Variants in TMPRSS9 observed in about 807,000 individuals in gnomAD.
TMPRSS9 encodes the protein transmembrane protease serine 9.
In TMPRSS9, 113 loss-of-function variants were observed where a neutral mutation model predicts 111.4. That is an observed-to-expected ratio of 1.01 (90% CI 0.87 to 1.19). The LOEUF (loss-of-function observed/expected upper bound fraction) is 1.19, where lower values mean the gene tolerates loss of function less well. Among genes scored for constraint, TMPRSS9 ranks in the 50% most tolerant of loss-of-function variants. The pLI is 0.00. For synonymous variants in TMPRSS9, 805 were observed against 659.1 expected (o/e 1.22, Z -3.39); for missense variants, 1,803 against 1,513.1 (o/e 1.19, Z -3.18).
At chr19:2,424,969 T>C in intron 15 of TMPRSS9, 33 bp from the exon 17 acceptor site, 1 of 1,448,918 alleles carries the variant, frequency 6.9e-7, no homozygotes, top group Non-Finnish European at 9.0e-7. Context: ...GCGTGGGGGC[T>C]CGGGCCGACG....
chr19:2,425,684 C>T, intron 17 of TMPRSS9, 191 bp downstream of exon 18: 2 of 1,248,814 alleles, frequency 1.6e-6, no homozygotes, highest in Non-Finnish European at 2.1e-6. Context: ...CCCACCGCAT[C>T]CCATCCCCGG....
At chr19:2,363,321 C>G (rs62120679) in intron 1 of TMPRSS9, among the ~76,000 whole-genome samples, 1 of 151,908 alleles carries the variant, frequency 6.6e-6, no homozygotes, top group African/African-American at 2.4e-5. Context: ...ACTCTGTCCG[C>G]GGGGCGAGAG....
At position 2,424,217 on chromosome 19, in the gene TMPRSS9, G is replaced by C. The variant is rs145944063; in HGVS notation, c.2677G>C (p.Ala893Pro). 3 of 1,437,408 alleles carry C rather than the reference G, an allele frequency of 2.1e-6. No individual in the cohort carries two copies. In the African/African-American group the frequency reaches 4.4e-5, roughly 21 times the overall value. 89.0% of individuals were successfully genotyped at this position (1,437,408 alleles called of 1,614,324 possible). ...ACACCGTTGCGGGGCCGTGCTGGTG[G>C]CAGAGAGGTGGCTGCTGTCGGCGGC... The change falls in exon 15 of 18, where the codon GCA (alanine) becomes CCA (proline). Residue 893 changes from alanine to proline, a missense_variant. By Grantham distance (27) the Ala-to-Pro change is conservative (BLOSUM62 -1). Coordinates refer to ENST00000648592, the Ensembl canonical transcript of TMPRSS9.
chr19:2,386,654 T>A (rs1272751169), upstream of TMPRSS9, among the ~76,000 whole-genome samples: 1 of 152,104 alleles, frequency 6.6e-6, no homozygotes, highest in Non-Finnish European at 1.5e-5. Flanking sequence ...AGCGTGACAA[T>A]GGGAGAGTGA....
At chr19:2,408,902 T>C (rs1403732593) in intron 8 of TMPRSS9, among the ~76,000 whole-genome samples, 1 of 150,720 alleles carries the variant, frequency 6.6e-6, no homozygotes, top group Non-Finnish European at 1.5e-5. Flanking sequence ...GGCAGGAGAA[T>C]TGCTTGAACC....
intron 1 of TMPRSS9, among the ~76,000 whole-genome samples, chr19:2,394,155 A>G (rs1970658859): frequency 6.6e-6 from 1 of 152,102 alleles, no homozygotes; most frequent in African/African-American, 2.4e-5. Context: ...CTGAGCCAAG[A>G]TCGTGCCACT....
chr19:2,411,306 A>G (rs1457991007), intron 9 of TMPRSS9, among the ~76,000 whole-genome samples: 1 of 57,670 alleles, frequency 1.7e-5, no homozygotes. Context: ...TCTCAAAAAA[A>G]AAAAAAAAAA....
At chr19:2,417,812 C>T (rs536782740) in intron 12 of TMPRSS9, among the ~76,000 whole-genome samples, 190 bp from the exon 14 acceptor site, 18 of 152,252 alleles carry the variant, frequency 1.2e-4, no homozygotes, top group Admixed American at 3.3e-4. Context: ...GAGACTCTTG[C>T]GCTCTGAGCG....
At chr19:2,411,342 CA>C (rs1971091927) in intron 9 of TMPRSS9, among the ~76,000 whole-genome samples, 1 of 126,540 alleles carries the variant, frequency 7.9e-6, no homozygotes, top group African/African-American at 2.9e-5. Flanking sequence ...AAGAGAAAAT[CA>C]GGGGTCATCC....
At chr19:2,416,343 T>G (rs1971230086) in intron 11 of TMPRSS9, 195 bp from the exon 13 acceptor site, 2 of 694,920 alleles carry the variant, frequency 2.9e-6, no homozygotes, top group Non-Finnish European at 4.6e-6. Context: ...GTCCCCCAGC[T>G]TGGGATCCTT....
upstream of TMPRSS9, among the ~76,000 whole-genome samples, chr19:2,384,777 C>G (rs147603646): frequency 2.7e-5 from 4 of 146,490 alleles, no homozygotes; most frequent in African/African-American, 1.0e-4. Flanking sequence ...ATCGCACCAC[C>G]GCACTCCAGC....
At chr19:2,404,568 T>A (rs111590544) in intron 6 of TMPRSS9, among the ~76,000 whole-genome samples, 8,688 of 151,044 alleles carry the variant, frequency 0.058, 265 homozygotes, top group East Asian at 0.092. Flanking sequence ...GTCATTTTGC[T>A]TTATACAGTA....
rs1191842920 is a variant in TMPRSS9, at chr19:2,418,361, C to T, written c.2154+223C>T. On this transcript the variant is annotated intron_variant, in intron 13 of 17. Transcript: ENST00000648592. ...CTTCCCTCCCTTTCCCTCCCTCCCT[C>T]CCTTCCCTTCCCTCCCTCCCTTTCC... is the stretch of plus-strand genomic sequence containing the variant. Among the ~76,000 whole-genome samples, 33 of 41,116 alleles carry T rather than the reference C, an allele frequency of 8.0e-4. 1 individual carries two copies. Among genetic ancestry groups the T allele is most frequent in the East Asian group, 4.1e-3 (5 of 1,218 alleles). 27.0% of individuals were successfully genotyped at this position (41,116 alleles called of 152,430 possible). A position where few individuals can be genotyped will look rare whatever the true frequency, so the allele number is the denominator to read the frequency against.
At chr19:2,408,519 C>G in exon 8 of TMPRSS9, 2 of 1,613,868 alleles carry the variant, frequency 1.2e-6, no homozygotes, top group Non-Finnish European at 1.7e-6. Context: ...GACCAGCCCT[C>G]TGCCTTTCGG....
At chr19:2,419,736 C>T (rs531722502) in intron 13 of TMPRSS9, among the ~76,000 whole-genome samples, 6 of 152,182 alleles carry the variant, frequency 3.9e-5, no homozygotes, top group East Asian at 1.9e-4. Context: ...AGGCTGGTCT[C>T]GAACTCCTGA....
upstream of TMPRSS9, among the ~76,000 whole-genome samples, chr19:2,386,207 C>A (rs1013779928): frequency 6.6e-6 from 1 of 152,114 alleles, no homozygotes; most frequent in African/African-American, 2.4e-5. Context: ...GCCGCGGCCT[C>A]TTAAGGAGAT....
intron 13 of TMPRSS9, among the ~76,000 whole-genome samples, chr19:2,420,458 AAAT>A (rs1971438019): frequency 6.6e-6 from 1 of 152,026 alleles, no homozygotes; most frequent in Admixed American, 6.6e-5. Flanking sequence ...AAAAAAAAAA[AAAT>A]GGCATCAGAT....
chr19:2,378,616 G>C (rs1970357044), intron 1 of TMPRSS9, among the ~76,000 whole-genome samples: 1 of 152,216 alleles, frequency 6.6e-6, no homozygotes, highest in African/African-American at 2.4e-5. Flanking sequence ...TACTTGGGAG[G>C]CTGAGGCAGA....
At chr19:2,387,484 A>G (rs1379240199), upstream of TMPRSS9, among the ~76,000 whole-genome samples, 1 of 151,900 alleles carries the variant, frequency 6.6e-6, no homozygotes, top group Non-Finnish European at 1.5e-5. Flanking sequence ...AACAAGAGTA[A>G]GACTCCATCT....
Sources: allele counts gnomAD v4.1 joint callset (sites outside exome capture counted in the v4.1 genomes callset), GRCh38; gene constraint gnomAD v4.1.1; transcripts MANE v1.5; gene names NCBI Gene and HGNC (gene_info 2026-07-23, HGNC 2026-07-21).